BBS9: variants seen among roughly 807,000 people sequenced by gnomAD.
BBS9 encodes protein PTHB1.
BBS9 carries 89 observed loss-of-function variants against 117.7 expected under a neutral mutation model. The ratio of observed to expected loss-of-function variants is 0.76; its 90% CI spans 0.64 to 0.90. BBS9 has a LOEUF of 0.90. Ranked by LOEUF, BBS9 falls within the 40% of genes least tolerant of loss-of-function variation. BBS9 has a pLI of 0.00. For synonymous variants in BBS9, 379 were observed against 370.9 expected (o/e 1.02, Z -0.25); for missense variants, 982 against 1,042.2 (o/e 0.94, Z 0.80).
chr7:33,130,381 C>G (rs1388628583), intron 1 of BBS9, among the ~76,000 whole-genome samples: 1 of 152,162 alleles, frequency 6.6e-6, no homozygotes, highest in African/African-American at 2.4e-5. Context: ...ACTAATACCC[C>G]CAATCCTTCT....
intron 21 of BBS9, among the ~76,000 whole-genome samples, chr7:33,547,245 T>C (rs1853546352): frequency 1.3e-5 from 2 of 152,166 alleles, no homozygotes; most frequent in Non-Finnish European, 2.9e-5. Context: ...AGGATCTGTC[T>C]ATAACTAGAA....
intron 19 of BBS9, among the ~76,000 whole-genome samples, chr7:33,389,687 TAAAAAAAAAAAAAA>T (rs5883400): frequency 2.2e-5 from 2 of 91,962 alleles, no homozygotes; most frequent in African/African-American, 4.5e-5. Context: ...AGACTCCATC[TAAAAAAAAAAAAAA>T]AAAAAAAAAA....
At chr7:33,210,449 G>C (rs983111557) in intron 5 of BBS9, among the ~76,000 whole-genome samples, 1 of 152,170 alleles carries the variant, frequency 6.6e-6, no homozygotes, top group Non-Finnish European at 1.5e-5. Flanking sequence ...TTGAGTTCCT[G>C]TCTAGGAGAT....
At chr7:33,476,975 A>C (rs933752599) in intron 19 of BBS9, among the ~76,000 whole-genome samples, 8 of 152,144 alleles carry the variant, frequency 5.3e-5, no homozygotes, top group Admixed American at 5.2e-4. Context: ...AAATTATTTC[A>C]CCTGGGGACC....
chr7:33,180,581 T>C (rs1216043346), intron 5 of BBS9, among the ~76,000 whole-genome samples: 1 of 152,138 alleles, frequency 6.6e-6, no homozygotes, highest in Non-Finnish European at 1.5e-5. Context: ...GGTCTCTATC[T>C]CCTGACCTCG....
At chr7:33,329,603 T>C (rs377508076) in intron 9 of BBS9, among the ~76,000 whole-genome samples, 6 of 152,206 alleles carry the variant, frequency 3.9e-5, no homozygotes, top group African/African-American at 4.8e-5. Context: ...ATCATTTGGG[T>C]TGTTTCTAAA....
chr7:33,241,463 T>C (rs989730542), intron 5 of BBS9, among the ~76,000 whole-genome samples: 3 of 152,236 alleles, frequency 2.0e-5, no homozygotes, highest in Non-Finnish European at 4.4e-5. Context: ...TTGGTGACTT[T>C]CAACAGTTCT....
chr7:33,417,859 A>G (rs114512276), intron 19 of BBS9, among the ~76,000 whole-genome samples: 188 of 152,324 alleles, frequency 1.2e-3, no homozygotes, highest in African/African-American at 4.3e-3. Flanking sequence ...GGAGAGATAG[A>G]AACAACAAAG....
intron 19 of BBS9, among the ~76,000 whole-genome samples, chr7:33,410,332 T>C (rs189274688): frequency 2.0e-3 from 312 of 152,316 alleles, no homozygotes; most frequent in Non-Finnish European, 3.8e-3. Flanking sequence ...TACTTTTCTT[T>C]AGGAAGCTTA....
At chr7:33,300,131 G>A (rs988887826) in intron 9 of BBS9, among the ~76,000 whole-genome samples, 1 of 152,124 alleles carries the variant, frequency 6.6e-6, no homozygotes, top group Non-Finnish European at 1.5e-5. Context: ...CTATAAGAGA[G>A]GGCCATCTGA....
intron 21 of BBS9, among the ~76,000 whole-genome samples, chr7:33,622,842 G>A (rs1865474368): frequency 6.6e-6 from 1 of 152,164 alleles, no homozygotes; most frequent in Non-Finnish European, 1.5e-5. Context: ...TTCAATAAGT[G>A]TTGCTGAAGC....
intron 5 of BBS9, among the ~76,000 whole-genome samples, chr7:33,252,450 T>C (rs1796363591): frequency 6.6e-6 from 1 of 152,176 alleles, no homozygotes; most frequent in Admixed American, 6.5e-5. Context: ...TAGTAGTCTC[T>C]AGGCTTGTTA....
intron 7 of BBS9, among the ~76,000 whole-genome samples, chr7:33,267,609 T>C (rs1799045478): frequency 6.6e-6 from 1 of 152,144 alleles, no homozygotes; most frequent in African/African-American, 2.4e-5. Context: ...TATTACCTTA[T>C]ATATAATATA....
At chr7:33,370,034 G>A (rs1822555888) in intron 17 of BBS9, among the ~76,000 whole-genome samples, 1 of 152,052 alleles carries the variant, frequency 6.6e-6, no homozygotes, top group Non-Finnish European at 1.5e-5. Flanking sequence ...ATGCTGTATG[G>A]CGATTTTAGT....
In BBS9 at chr7:33,141,869, A is replaced by AT. The variant is rs74821687; in HGVS notation, c.-11-4364dup. ...ATTATTTAATATTTTAGCTTTTTGG[A>AT]TTTTTTTTTCATTCAGCATAATGCT... On this transcript the variant is annotated intron_variant, in intron 1 of 22. Coordinates refer to ENST00000242067, the MANE Select transcript of BBS9 (RefSeq NM_198428.3). Among the ~76,000 whole-genome samples the AT allele has an allele frequency of 3.4e-4, 51 of 150,406 alleles. 1 individual carries two copies. In the South Asian group the frequency reaches 6.3e-3, roughly 19 times the overall value.
intron 9 of BBS9, among the ~76,000 whole-genome samples, chr7:33,302,626 A>T (rs1806732438): frequency 6.6e-6 from 1 of 151,988 alleles, no homozygotes; most frequent in African/African-American, 2.4e-5. Context: ...CTTCTGTTCC[A>T]TTGGTCTTTG....
chr7:33,626,949 G>A (rs932057847), intron 21 of BBS9, among the ~76,000 whole-genome samples: 1 of 152,244 alleles, frequency 6.6e-6, no homozygotes, highest in African/African-American at 2.4e-5. Context: ...CATTTTCTGG[G>A]AAGGAATTCA....
At chr7:33,411,370 ACT>A (rs1339219011) in intron 19 of BBS9, among the ~76,000 whole-genome samples, 1 of 152,088 alleles carries the variant, frequency 6.6e-6, no homozygotes, top group East Asian at 1.9e-4. Context: ...AGGTTTCAAC[ACT>A]CTTGCTTGTC....
intron 1 of BBS9, among the ~76,000 whole-genome samples, chr7:33,138,645 A>T (rs1228696911): frequency 6.6e-6 from 1 of 150,988 alleles, no homozygotes; most frequent in Non-Finnish European, 1.5e-5. Context: ...TGATATATAT[A>T]TTTTTAAGAG....
Sources: allele counts gnomAD v4.1 joint callset (sites outside exome capture counted in the v4.1 genomes callset), GRCh38; gene constraint gnomAD v4.1.1; transcripts MANE v1.5; gene names NCBI Gene and HGNC (gene_info 2026-07-23, HGNC 2026-07-21).